ABLIM2: variants seen among roughly 807,000 people sequenced by gnomAD.
The protein encoded by ABLIM2 is actin-binding LIM protein 2.
A neutral mutation model predicts 97.7 loss-of-function variants in ABLIM2; 53 were observed. That is an observed-to-expected ratio of 0.54 (90% CI 0.44 to 0.68). The LOEUF (loss-of-function observed/expected upper bound fraction) is 0.68. ABLIM2 is among the 30% of genes least tolerant of loss of function. The pLI is 0.00. For missense variants in ABLIM2, 835 were observed against 867.2 expected (o/e 0.96, Z 0.47); for synonymous variants, 361 against 345.8 (o/e 1.04, Z -0.49).
At chr4:7,983,921 G>A (rs7681487) in intron 18 of ABLIM2, among the ~76,000 whole-genome samples, 10,617 of 152,316 alleles carry the variant, frequency 0.07, 388 homozygotes, top group Non-Finnish European at 0.079. Flanking sequence ...GAAACTTTTA[G>A]AGGGTGTTGT....
intron 7 of ABLIM2, among the ~76,000 whole-genome samples, chr4:8,056,112 C>CAAAAAAAAAAAAAAAAAAAAAAAAAAAA (rs60992903): frequency 2.9e-5 from 2 of 68,362 alleles, no homozygotes; most frequent in Non-Finnish European, 5.6e-5. Flanking sequence ...GACTCTGTCT[C>CAAAAAAAAAAAAAAAAAAAAAAAAAAAA]AAAAAAAAAA....
chr4:8,058,273 C>T lies in ABLIM2; in HGVS notation c.763+2694G>A, dbSNP rs1458028004. On this transcript the variant is annotated intron_variant, in intron 7 of 20. Transcript: ENST00000447017. The surrounding 1 kb of genome is among the most constrained non-coding windows in gnomAD (Gnocchi z 4.2). ...CACTGCTGGGACGGTCCCAAAGGAC[C>T]CTTTGACGGGCTCTCGAGCAGAGAC... is the stretch of plus-strand genomic sequence containing the variant. Among the ~76,000 whole-genome samples, 3 of 152,370 alleles carry T rather than the reference C, an allele frequency of 2.0e-5. No homozygotes were observed. Among genetic ancestry groups the T allele is most frequent in the Admixed American group, 6.5e-5 (1 of 15,312 alleles).
chr4:8,063,115 G>A (rs1804496477), intron 6 of ABLIM2, among the ~76,000 whole-genome samples: 1 of 152,222 alleles, frequency 6.6e-6, no homozygotes, highest in Non-Finnish European at 1.5e-5. Context: ...GCCCAGGCTG[G>A]AGTGCAGTGG....
intron 12 of ABLIM2, 108 bp from the exon 13 acceptor site, chr4:8,020,411 T>C (rs1229157609): frequency 1.0e-5 from 10 of 995,670 alleles, no homozygotes; most frequent in Non-Finnish European, 1.5e-5. Context: ...CTCTCCTGTC[T>C]GGTGGAGCAG....
At position 8,145,250 on chromosome 4, in the gene ABLIM2, C is replaced by G. The variant is rs192518179; in HGVS notation, c.10+13430G>C. 7.8e-4 allele frequency among the ~76,000 whole-genome samples: 118 copies of G among 151,734 alleles called. 1 individual carries two copies. Among genetic ancestry groups the G allele is most frequent in the African/African-American group, 2.7e-3 (113 of 41,318 alleles). ...CCAGGCTGGAGTGCAGTGGCATGATCTCAGCTCACTGCAATCTTCGCCTCC... is the reference window on the plus strand; with the variant it reads ...CCAGGCTGGAGTGCAGTGGCATGATGTCAGCTCACTGCAATCTTCGCCTCC... On this transcript the variant is annotated intron_variant, in intron 1 of 20. Coordinates refer to ENST00000447017, the MANE Select transcript of ABLIM2 (RefSeq NM_001130083.2).
intron 7 of ABLIM2, among the ~76,000 whole-genome samples, chr4:8,059,946 C>G (rs139358849): frequency 1.8e-3 from 266 of 150,982 alleles, no homozygotes; most frequent in African/African-American, 6.1e-3. Flanking sequence ...AACCCCAAAG[C>G]TGCCTCTTGG....
intron 1 of ABLIM2, among the ~76,000 whole-genome samples, chr4:8,129,417 G>A (rs769993322): frequency 2.0e-4 from 31 of 152,338 alleles, no homozygotes; most frequent in Non-Finnish European, 2.9e-4. Flanking sequence ...AGCACCATGC[G>A]AAACAGAGTT....
intron 1 of ABLIM2, among the ~76,000 whole-genome samples, chr4:8,154,800 A>T (rs955493588): frequency 6.6e-6 from 1 of 152,136 alleles, no homozygotes. Flanking sequence ...CATGCTGCCA[A>T]TAAAGACATA....
chr4:8,131,327 C>T (rs1849328751), intron 1 of ABLIM2, among the ~76,000 whole-genome samples: 1 of 152,200 alleles, frequency 6.6e-6, no homozygotes, highest in African/African-American at 2.4e-5. Context: ...CTACTATTTT[C>T]TACTCAACTC....
rs934565494 is a variant in ABLIM2 at position 8,087,554 on chromosome 4, G to A, written c.454+615C>T. 5.9e-5 allele frequency among the ~76,000 whole-genome samples: 9 copies of A among 152,174 alleles called. No individual in the cohort carries two copies. The highest frequency in any genetic ancestry group is 4.1e-4 in the South Asian group (2 of 4,826). On this transcript the variant is annotated intron_variant, in intron 4 of 20. Transcript: ENST00000447017. This position sits in a 1 kb window ranked among gnomAD's most constrained non-coding sequence, Gnocchi z 4.6. ...CTACAGGTTCCCCCAAAGGGGTCCC[G>A]GGTGGCCTGGAATTAACAGAGGGGA...
In ABLIM2 at chr4:8,029,772, T is replaced by G; in HGVS notation, c.1052A>C (p.Asp351Ala). Reference sequence around the variant, plus strand: ...CTGCTTGTAGGACCGGTCATCCTGATCCCCCTGGGAGGGAAGATGCAGCTT... The same window carrying G: ...CTGCTTGTAGGACCGGTCATCCTGAGCCCCCTGGGAGGGAAGATGCAGCTT... ...AGDRQSYGEG[D>A]QDDRSYKQCR... is the part of the protein sequence containing the mutation. The change falls in exon 11 of 21, where the codon GAT (aspartate) becomes GCT (alanine). Residue 351 changes from aspartate (D) to alanine (A), a missense_variant. By Grantham distance (126) the Asp-to-Ala change is moderately radical. Transcript: ENST00000447017. 2 of 1,570,234 alleles carry G rather than the reference T, an allele frequency of 1.3e-6. No individual in the cohort carries two copies. Among genetic ancestry groups the G allele is most frequent in the Non-Finnish European group, 1.7e-6 (2 of 1,158,062 alleles).
At chr4:8,133,159 C>T (rs185253902) in intron 1 of ABLIM2, among the ~76,000 whole-genome samples, 1 of 152,344 alleles carries the variant, frequency 6.6e-6, no homozygotes, top group Non-Finnish European at 1.5e-5. Context: ...GGCCTCCTCC[C>T]TGCGTGAGTT....
intron 9 of ABLIM2, among the ~76,000 whole-genome samples, chr4:8,037,318 GCACACATGCACACACATGCAGGCA>G (rs1267356818): frequency 6.9e-6 from 1 of 145,866 alleles, no homozygotes; most frequent in Non-Finnish European, 1.5e-5. Flanking sequence ...ACATGCATGC[GCACACATGCACACACATGCAGGCA>G]CACACACACA....
intron 10 of ABLIM2, among the ~76,000 whole-genome samples, chr4:8,030,397 G>T (rs946754532): frequency 6.6e-6 from 1 of 152,194 alleles, no homozygotes; most frequent in Non-Finnish European, 1.5e-5. Context: ...GCCCACCACA[G>T]CTTGGCATGC....
intron 2 of ABLIM2, among the ~76,000 whole-genome samples, chr4:8,098,061 T>C (rs976338690): frequency 2.2e-4 from 33 of 152,282 alleles, no homozygotes; most frequent in Admixed American, 9.1e-4. Flanking sequence ...AGGCCCCCAG[T>C]CCATGTCCTG....
intron 18 of ABLIM2, among the ~76,000 whole-genome samples, chr4:7,984,316 A>G (rs577450249): frequency 2.2e-4 from 34 of 152,320 alleles, no homozygotes; most frequent in African/African-American, 8.2e-4. Flanking sequence ...AACCCAGTCC[A>G]GCAGAGCAAG....
intron 7 of ABLIM2, among the ~76,000 whole-genome samples, chr4:8,059,041 C>T (rs1000949508): frequency 4.6e-5 from 7 of 152,128 alleles, no homozygotes; most frequent in Admixed American, 2.0e-4. Context: ...TCATCCATTG[C>T]GATGGTCCTG....
At chr4:8,049,097 C>T (rs1794379801) in intron 8 of ABLIM2, among the ~76,000 whole-genome samples, 2 of 152,194 alleles carry the variant, frequency 1.3e-5, no homozygotes, top group African/African-American at 2.4e-5. Context: ...CTCTCGGTCA[C>T]GGCGCCTCTG....
rs972753383 is a variant in ABLIM2, at chr4:8,021,441, A to C, written c.1268-1138T>G. ...CAAGGCCCCGTTCCTCCCACCTGCC[A>C]GCCCCAGGAAGCCCCCTCAGCACTA... On this transcript the variant is annotated intron_variant, in intron 12 of 20. Coordinates refer to ENST00000447017, the MANE Select transcript of ABLIM2 (RefSeq NM_001130083.2). The surrounding 1 kb of genome is among the most constrained non-coding windows in gnomAD (Gnocchi z 5.5). Among the ~76,000 whole-genome samples, 8 of 152,188 alleles carry C rather than the reference A, an allele frequency of 5.3e-5. No homozygotes were observed. Among genetic ancestry groups the C allele is most frequent in the African/African-American group, 1.9e-4 (8 of 41,458 alleles).
Sources: allele counts gnomAD v4.1 joint callset (sites outside exome capture counted in the v4.1 genomes callset), GRCh38; gene constraint gnomAD v4.1.1; non-coding constraint Gnocchi (gnomAD v3.1); transcripts MANE v1.5; gene names NCBI Gene and HGNC (gene_info 2026-07-23, HGNC 2026-07-21).